The following CDC42BPB variants were observed in gnomAD, a reference collection of about 807,000 sequenced individuals.
The protein encoded by CDC42BPB is CDC42 binding protein kinase beta.
CDC42BPB carries 37 observed loss-of-function variants against 214.9 expected under a neutral mutation model. That is an observed-to-expected ratio of 0.17 (90% confidence interval 0.13 to 0.23). CDC42BPB has a LOEUF of 0.23. Among genes scored for constraint, CDC42BPB ranks in the 10% least tolerant of loss-of-function variants. CDC42BPB has a pLI of 1.00. For synonymous variants in CDC42BPB, 931 were observed against 884.0 expected (o/e 1.05, Z -0.94); for missense variants, 1,694 against 2,227.0 (o/e 0.76, Z 4.82).
intron 1 of CDC42BPB, among the ~76,000 whole-genome samples, chr14:103,020,311 C>T (rs951298475): frequency 6.6e-6 from 1 of 152,218 alleles, no homozygotes; most frequent in African/African-American, 2.4e-5. Context: ...CGTCTCGCCC[C>T]CGAGTCGTCA....
At chr14:102,966,644 T>A (rs1893216901) in intron 17 of CDC42BPB, 1 of 325,316 alleles carries the variant, frequency 3.1e-6, no homozygotes. Context: ...TAAATATATA[T>A]ACCTACTACG....
intron 28 of CDC42BPB, among the ~76,000 whole-genome samples, 187 bp from the exon 29 acceptor site, chr14:102,945,911 G>A (rs946287992): frequency 2.6e-5 from 4 of 152,254 alleles, no homozygotes; most frequent in Non-Finnish European, 2.9e-5. Context: ...CACAGGGCCG[G>A]CTGACTGTGG....
chr14:102,966,430 T>C (rs1262351049), intron 17 of CDC42BPB, 43 bp from the exon 18 acceptor site: 2 of 1,604,712 alleles, frequency 1.2e-6, no homozygotes, highest in African/African-American at 2.7e-5. Flanking sequence ...AGCATGGCTA[T>C]CAGGGAGAAG....
intron 1 of CDC42BPB, among the ~76,000 whole-genome samples, chr14:103,028,250 T>C (rs1887160268): frequency 6.6e-6 from 1 of 152,210 alleles, no homozygotes; most frequent in Non-Finnish European, 1.5e-5. Flanking sequence ...GCACGATTCA[T>C]TAATTTATTC....
Position 102,999,677 on chromosome 14 carries a change from G to T in CDC42BPB, c.484C>A (p.Leu162Met). Reference protein sequence around the residue: ...VMDYYVGGDLLTLLSKFEDKL... With the variant: ...VMDYYVGGDLMTLLSKFEDKL... ...TCTTCAAATTTGCTGAGCAGGGTCA[G>T]TAAATCACCACCCACATAGTAATCC... The change falls in exon 5 of 37, where the codon CTG becomes ATG. Residue 162 changes from leucine to methionine, a missense_variant. Leu to Met is a conservative substitution (Grantham distance 15). Coordinates refer to ENST00000361246, the MANE Select transcript of CDC42BPB (RefSeq NM_006035.4). 1 of 1,614,186 alleles carries T rather than the reference G, an allele frequency of 6.2e-7. No individual in the cohort carries two copies.
At chr14:103,036,831 T>C (rs555577248) in intron 1 of CDC42BPB, among the ~76,000 whole-genome samples, 113 of 152,336 alleles carry the variant, frequency 7.4e-4, no homozygotes, top group African/African-American at 2.5e-3. Flanking sequence ...TTTATTTATT[T>C]ACTGAGATAA....
At chr14:103,051,094 G>C (rs977977567) in intron 1 of CDC42BPB, among the ~76,000 whole-genome samples, 5 of 116,236 alleles carry the variant, frequency 4.3e-5, no homozygotes, top group Non-Finnish European at 8.2e-5. Flanking sequence ...AACACAGATT[G>C]TTTAAAATCA....
intron 1 of CDC42BPB, among the ~76,000 whole-genome samples, chr14:103,016,009 C>T (rs970159762): frequency 1.3e-5 from 2 of 152,118 alleles, no homozygotes; most frequent in African/African-American, 4.8e-5. Flanking sequence ...AGCCACTGCG[C>T]CCGGCCGAGG....
chr14:103,018,744 C>T (rs1022791116), intron 1 of CDC42BPB, among the ~76,000 whole-genome samples: 4 of 152,168 alleles, frequency 2.6e-5, no homozygotes, highest in Admixed American at 1.3e-4. Context: ...AGTCTGAAAT[C>T]GTGAAGAGAC....
chr14:102,936,423 G>A (rs560042160), intron 36 of CDC42BPB, among the ~76,000 whole-genome samples: 10 of 152,304 alleles, frequency 6.6e-5, no homozygotes, highest in African/African-American at 2.4e-4. Context: ...CAATAGAAAC[G>A]CCAGCACTGA....
intron 1 of CDC42BPB, among the ~76,000 whole-genome samples, chr14:103,020,059 A>G (rs1886682191): frequency 6.6e-6 from 1 of 152,354 alleles, no homozygotes; most frequent in East Asian, 1.9e-4. Context: ...CTGAAGCCTG[A>G]GGCAGGCGGG....
Position 102,939,738 on chromosome 14 carries a change from G to A in CDC42BPB, c.4710-11C>T, listed in dbSNP as rs17101081. 73,509 of 1,613,986 alleles carry A rather than the reference G, an allele frequency of 0.046. 2,011 individuals carry two copies. The highest frequency in any genetic ancestry group is 0.097 in the African/African-American group (7,290 of 75,032). On this transcript the variant is annotated splice_polypyrimidine_tract_variant and intron_variant, in intron 33 of 36. Transcript: ENST00000361246. ...TCTCTAAGCATCTCTCTGGGGAAAGGACACACTTTTGAGATTCATGGATAC... is the reference window on the plus strand; with the variant it reads ...TCTCTAAGCATCTCTCTGGGGAAAGAACACACTTTTGAGATTCATGGATAC...
intron 28 of CDC42BPB, 50 bp downstream of exon 28, chr14:102,946,418 G>A (rs753969364): frequency 1.4e-5 from 23 of 1,598,460 alleles, no homozygotes; most frequent in Admixed American, 5.0e-5. Context: ...CAGCGCCGCC[G>A]GAAGTGCTGT....
rs182214910 is a variant in CDC42BPB at position 102,946,230 on chromosome 14, A to G, written c.3748+238T>C. On this transcript the variant is annotated intron_variant, in intron 28 of 36. Coordinates refer to ENST00000361246, the MANE Select transcript of CDC42BPB (RefSeq NM_006035.4). ...AGCAGAGACAGGGTTTCACCGTGTT[A>G]GCCAGGATGGTCTCAACCTCCTGAC... 3.4e-3 allele frequency among the ~76,000 whole-genome samples: 512 copies of G among 151,878 alleles called. 8 individuals carry two copies. Among genetic ancestry groups the G allele is most frequent in the South Asian group, 8.5e-3 (41 of 4,804 alleles).
chr14:103,009,435 T>C (rs2139632109), intron 2 of CDC42BPB, among the ~76,000 whole-genome samples: 1 of 152,284 alleles, frequency 6.6e-6, no homozygotes, highest in Non-Finnish European at 1.5e-5. Context: ...ATATGGACTC[T>C]GAGGCTCCAA....
At chr14:103,022,623 G>A (rs796976919) in intron 1 of CDC42BPB, among the ~76,000 whole-genome samples, 23 of 152,236 alleles carry the variant, frequency 1.5e-4, no homozygotes, top group African/African-American at 4.6e-4. Flanking sequence ...CATTCCCCAC[G>A]GGTGCTCACA....
In CDC42BPB at chr14:102,963,128, GT is replaced by G; in HGVS notation, c.2753del (p.Asn918ThrfsTer5). 1.3e-6 allele frequency: 2 copies of G among 1,597,646 alleles called. No homozygotes were observed. Among genetic ancestry groups the G allele is most frequent in the Non-Finnish European group, 8.6e-7 (1 of 1,167,480 alleles). ...ESKLKDSEAK[N>X]RELLEEMEIL... ...TTTCCATTTCTTCTAATAATTCTCT[GT>G]TTTTGGCTTCGGAATCCTTTAGTTT... On this transcript the variant is annotated frameshift_variant, in exon 20 of 37. Transcript: ENST00000361246. LOFTEE classifies it high-confidence loss of function.
Position 102,938,386 on chromosome 14 carries a change from T to C in CDC42BPB, c.4853A>G (p.Glu1618Gly), listed in dbSNP as rs777958516. The change falls in exon 35 of 37, where the codon GAA becomes GGA. Residue 1618 changes from glutamate to glycine, a missense_variant. Coordinates refer to ENST00000361246, the MANE Select transcript of CDC42BPB (RefSeq NM_006035.4). ...PLSAVPPSQEERPGPAPTNLA... is the reference protein window; with the variant it reads ...PLSAVPPSQEGRPGPAPTNLA... ...GTTGGTGGGAGCGGGGCCCGGCCTT[T>C]CCTCCTGGGAGGGGGGCACAGCACT... is the stretch of plus-strand genomic sequence containing the variant. 4.5e-6 allele frequency: 7 copies of C among 1,556,502 alleles called. No individual in the cohort carries two copies. The highest frequency in any genetic ancestry group is 6.0e-6 in the Non-Finnish European group (7 of 1,157,862).
intron 13 of CDC42BPB, among the ~76,000 whole-genome samples, chr14:102,971,385 C>G (rs1169719759): frequency 6.6e-6 from 1 of 152,212 alleles, no homozygotes; most frequent in African/African-American, 2.4e-5. Flanking sequence ...CATAAGAAAG[C>G]TCTTTGGGGT....
Sources: gnomAD v4.1 joint callset for allele counts (sites outside exome capture counted in the v4.1 genomes callset) on GRCh38, gnomAD v4.1.1 for gene constraint, MANE v1.5 for transcripts, NCBI Gene and HGNC (gene_info 2026-07-23, HGNC 2026-07-21) for gene names.